DLGAP4: variants seen among roughly 807,000 people sequenced by gnomAD.
DLGAP4 encodes the protein disks large-associated protein 4.
In DLGAP4, 18 loss-of-function variants were observed where a neutral mutation model predicts 86.9. That is an observed-to-expected ratio of 0.21 (90% CI 0.14 to 0.31). DLGAP4 has a LOEUF of 0.31. Ranked by LOEUF, DLGAP4 falls within the 10% of genes least tolerant of loss-of-function variation. The pLI, the probability that DLGAP4 is intolerant of heterozygous loss-of-function variation, is 1.00. For synonymous variants in DLGAP4, 548 were observed against 574.3 expected (o/e 0.95, Z 0.65); for missense variants, 1,085 against 1,362.6 (o/e 0.80, Z 3.21).
At chr20:36,309,119 C>T (rs2065031052) in intron 1 of DLGAP4, among the ~76,000 whole-genome samples, 1 of 152,156 alleles carries the variant, frequency 6.6e-6, no homozygotes, top group Admixed American at 6.5e-5. Flanking sequence ...ATCCCCAGCC[C>T]CCTTCTCCCA....
intron 1 of DLGAP4, among the ~76,000 whole-genome samples, chr20:36,358,622 C>T (rs938841581): frequency 1.3e-5 from 2 of 152,096 alleles, no homozygotes; most frequent in Non-Finnish European, 2.9e-5. Flanking sequence ...CTGGCTAACA[C>T]GGTGAAACCC....
At chr20:36,325,805 C>T (rs977175395) in intron 1 of DLGAP4, among the ~76,000 whole-genome samples, 11 of 151,814 alleles carry the variant, frequency 7.2e-5, no homozygotes, top group South Asian at 4.2e-4. Context: ...CAAACCTCTA[C>T]CTCCCGGGTT....
At chr20:36,419,570 C>G (rs1391077651) in intron 2 of DLGAP4, among the ~76,000 whole-genome samples, 1 of 152,208 alleles carries the variant, frequency 6.6e-6, no homozygotes, top group Non-Finnish European at 1.5e-5. Context: ...GTCAAGTTGT[C>G]AGCTACTGCC....
intron 2 of DLGAP4, among the ~76,000 whole-genome samples, chr20:36,370,040 A>G (rs2030863283): frequency 6.6e-6 from 1 of 152,172 alleles, no homozygotes; most frequent in Non-Finnish European, 1.5e-5. Context: ...GGGGTCCAGG[A>G]AGTTCCCCGC....
chr20:36,459,471 G>A (rs1047431253), intron 7 of DLGAP4, among the ~76,000 whole-genome samples: 1 of 152,098 alleles, frequency 6.6e-6, no homozygotes, highest in African/African-American at 2.4e-5. Context: ...TGACCTCCTG[G>A]GCCCAAGCAA....
At chr20:36,486,982 C>G (rs1344193218) in intron 7 of DLGAP4, among the ~76,000 whole-genome samples, 8 of 152,134 alleles carry the variant, frequency 5.3e-5, no homozygotes. Flanking sequence ...TAAAAACTGT[C>G]AGGGTTCCAA....
At chr20:36,508,818 C>G (rs747057733) in intron 10 of DLGAP4, 1 of 152,242 alleles carries the variant, frequency 6.6e-6, no homozygotes, top group African/African-American at 2.4e-5. Flanking sequence ...TTACCTTGGA[C>G]AGAATCACTG....
At chr20:36,361,683 T>C (rs114752918) in intron 1 of DLGAP4, among the ~76,000 whole-genome samples, 2,185 of 152,116 alleles carry the variant, frequency 0.014, 49 homozygotes, top group African/African-American at 0.05. Flanking sequence ...TTTAAAAAGA[T>C]AGGACATGGC....
At chr20:36,400,509 G>C (rs984515315) in intron 2 of DLGAP4, among the ~76,000 whole-genome samples, 1 of 152,132 alleles carries the variant, frequency 6.6e-6, no homozygotes, top group Non-Finnish European at 1.5e-5. Context: ...TACGTGTGTA[G>C]GTAGGTAATA....
At chr20:36,318,470 A>C (rs1481247638) in intron 1 of DLGAP4, among the ~76,000 whole-genome samples, 1 of 152,172 alleles carries the variant, frequency 6.6e-6, no homozygotes, top group Non-Finnish European at 1.5e-5. Context: ...ACTCCTGGGC[A>C]CAAGTGTTCC....
At chr20:36,435,977 A>C in intron 3 of DLGAP4, 132 bp from the exon 4 acceptor site, 1 of 1,356,852 alleles carries the variant, frequency 7.4e-7, no homozygotes, top group Non-Finnish European at 9.6e-7. Context: ...CCGAGGTTTC[A>C]AAGGCGGGAA....
rs1224339892 is a variant in DLGAP4 at position 36,432,261 on chromosome 20, G to A, written c.544G>A (p.Ala182Thr). The A allele has an allele frequency of 6.2e-7, 1 of 1,613,794 alleles. No homozygotes were observed. The change falls in exon 3 of 13, where the codon GCC becomes ACC. Residue 182 changes from alanine to threonine, a missense_variant. This residue lies in a region of DLGAP4 where 1,082 missense variants were observed against 1,344.1 expected (regional missense o/e 0.81). Coordinates refer to ENST00000339266, the MANE Select transcript of DLGAP4 (RefSeq NM_001365621.2). This position sits in a 1 kb window ranked among gnomAD's most constrained non-coding sequence, Gnocchi z 6.5. ...CATGGAGGACGGCAAGGGCCGGAGG[G>A]CCAAAAGCAAGGAGCGGGCCAAGGC... ...GGMEDGKGRR[A>T]KSKERAKAGE...
intron 4 of DLGAP4, among the ~76,000 whole-genome samples, chr20:36,438,865 C>T (rs956131842): frequency 1.3e-5 from 2 of 151,770 alleles, no homozygotes; most frequent in East Asian, 3.9e-4. Flanking sequence ...GTGAGCTGCC[C>T]GCCTCAGCCT....
intron 7 of DLGAP4, among the ~76,000 whole-genome samples, chr20:36,495,765 T>C (rs1335523931): frequency 3.3e-5 from 5 of 152,188 alleles, no homozygotes; most frequent in African/African-American, 1.2e-4. Context: ...GGCAGACCAC[T>C]GTACGGGTTT....
intron 7 of DLGAP4, among the ~76,000 whole-genome samples, chr20:36,458,444 C>T (rs1257128076): frequency 1.5e-5 from 2 of 136,134 alleles, no homozygotes; most frequent in Admixed American, 8.0e-5. Flanking sequence ...TCAGGCTGGT[C>T]TTGAACTCCT....
chr20:36,355,822 A>G (rs1245258082), intron 1 of DLGAP4, among the ~76,000 whole-genome samples: 2 of 152,186 alleles, frequency 1.3e-5, no homozygotes, highest in Admixed American at 6.5e-5. Flanking sequence ...TCTCCCATAT[A>G]ACCTCCCTTT....
intron 10 of DLGAP4, among the ~76,000 whole-genome samples, chr20:36,515,211 A>G (rs1214490182): frequency 1.3e-5 from 2 of 152,240 alleles, no homozygotes; most frequent in East Asian, 1.9e-4. Flanking sequence ...TTTGTTTTAT[A>G]TATTTTGAAG....
chr20:36,472,501 A>G (rs1164507648), intron 7 of DLGAP4, among the ~76,000 whole-genome samples: 1 of 111,666 alleles, frequency 9.0e-6, no homozygotes, highest in African/African-American at 4.3e-5. Context: ...ACCCTGTCTC[A>G]AAAAAAAAAA....
rs747229357 is a variant in DLGAP4, at chr20:36,446,754, G to A, written c.1465G>A (p.Glu489Lys). The change falls in exon 7 of 13, where the codon GAA becomes AAA. Residue 489 changes from glutamate (E) to lysine (K), a missense_variant. Glu to Lys is a moderately conservative substitution (Grantham distance 56, BLOSUM62 1). Coordinates refer to ENST00000339266, the MANE Select transcript of DLGAP4 (RefSeq NM_001365621.2). ...GGCGGCCTGCGAGTCAGCCTGCAGT[G>A]AAGCGGAGTCCACAGCGGCAGAGAC... ...YEAACESACS[E>K]AESTAAETLD... is the part of the protein sequence containing the mutation. 6.2e-7 allele frequency: 1 copy of A among 1,613,094 alleles called. No individual in the cohort carries two copies.
Sources: gnomAD v4.1 joint callset for allele counts (sites outside exome capture counted in the v4.1 genomes callset) on GRCh38, gnomAD v4.1.1 for gene constraint, gnomAD v4.1.1 regional missense constraint, Gnocchi (gnomAD v3.1) non-coding constraint, MANE v1.5 for transcripts, NCBI Gene and HGNC (gene_info 2026-07-23, HGNC 2026-07-21) for gene names.